PRKG1: variants seen among roughly 807,000 people sequenced by gnomAD.
The protein encoded by PRKG1 is protein kinase cGMP-dependent 1, also known as cGMP-dependent protein kinase 1.
A neutral mutation model predicts 88.1 loss-of-function variants in PRKG1; 35 were observed. That is an observed-to-expected ratio of 0.40 (90% CI 0.30 to 0.53). The LOEUF is 0.53. Ranked by LOEUF, PRKG1 falls within the 20% of genes least tolerant of loss-of-function variation. PRKG1 has a pLI of 0.59. For missense variants in PRKG1, 540 were observed against 839.8 expected (o/e 0.64, Z 4.41); for synonymous variants, 303 against 292.5 (o/e 1.04, Z -0.37).
chr10:51,852,375 T>C (rs78936380), intron 4 of PRKG1, among the ~76,000 whole-genome samples: 16,833 of 143,892 alleles, frequency 0.12, 1,006 homozygotes, highest in Middle Eastern at 0.2. Context: ...CACACACACA[T>C]AGAGAGAGAG....
chr10:52,246,116 T>A (rs1331570429), intron 9 of PRKG1, among the ~76,000 whole-genome samples: 1 of 152,164 alleles, frequency 6.6e-6, no homozygotes, highest in Non-Finnish European at 1.5e-5. Flanking sequence ...TGTTTAGTTC[T>A]TAATAATAAT....
At chr10:51,728,602 TGA>T (rs1842197973) in intron 3 of PRKG1, among the ~76,000 whole-genome samples, 2 of 151,978 alleles carry the variant, frequency 1.3e-5, no homozygotes, top group Admixed American at 1.3e-4. Context: ...AAATATTAAA[TGA>T]GAGTTATTTT....
intron 5 of PRKG1, among the ~76,000 whole-genome samples, chr10:51,983,002 T>C (rs1844052679): frequency 6.6e-6 from 1 of 152,160 alleles, no homozygotes; most frequent in Non-Finnish European, 1.5e-5. Context: ...GATGGGGCAC[T>C]GGTGGCCTCT....
chr10:52,242,025 A>C (rs954096495), intron 9 of PRKG1: 13 of 152,218 alleles, frequency 8.5e-5, no homozygotes, highest in Non-Finnish European at 1.5e-4. Flanking sequence ...GTCCTCATGG[A>C]AATTGCAATG....
Position 51,204,336 on chromosome 10 carries a change from A to C in PRKG1, c.478+51006A>C, listed in dbSNP as rs1358614022. On this transcript the variant is annotated intron_variant, in intron 2 of 17. Transcript: ENST00000373980. ...TCTTTGGTATTTTTTTTCCATTGGA[A>C]CAGCTTATTTAGATTATTTGAGTAG... Among the ~76,000 whole-genome samples the C allele has an allele frequency of 5.9e-5, 9 of 151,704 alleles. No homozygotes were observed. In the East Asian group the frequency reaches 1.7e-3, roughly 29 times the overall value.
intron 5 of PRKG1, among the ~76,000 whole-genome samples, chr10:51,984,044 G>A (rs150179799): frequency 1.1e-4 from 17 of 152,276 alleles, no homozygotes; most frequent in African/African-American, 1.4e-4. Context: ...AGTCACTTAC[G>A]TTAAGAAGTA....
intron 1 of PRKG1, among the ~76,000 whole-genome samples, chr10:51,104,918 A>G (rs528666733): frequency 6.6e-6 from 1 of 151,998 alleles, no homozygotes; most frequent in South Asian, 2.1e-4. Context: ...TTTAGTAGAG[A>G]TGGGTTTTCA....
At chr10:51,823,882 T>A (rs1231116364) in intron 4 of PRKG1, among the ~76,000 whole-genome samples, 1 of 146,850 alleles carries the variant, frequency 6.8e-6, no homozygotes, top group Non-Finnish European at 1.5e-5. Flanking sequence ...TTTTTTTTTT[T>A]TTTTTTTTTA....
chr10:51,693,358 C>G (rs886724335), intron 3 of PRKG1, among the ~76,000 whole-genome samples: 3 of 150,522 alleles, frequency 2.0e-5, no homozygotes, highest in African/African-American at 7.3e-5. Context: ...TAATAAGCAC[C>G]AGGTTTGTTA....
intron 1 of PRKG1, among the ~76,000 whole-genome samples, chr10:51,124,692 A>G (rs1845353258): frequency 6.6e-6 from 1 of 152,208 alleles, no homozygotes; most frequent in African/African-American, 2.4e-5. Flanking sequence ...TTCACCATGT[A>G]AAACAAGCAT....
intron 2 of PRKG1, among the ~76,000 whole-genome samples, chr10:51,440,812 G>C (rs1182652585): frequency 6.6e-6 from 1 of 151,916 alleles, no homozygotes; most frequent in Non-Finnish European, 1.5e-5. Flanking sequence ...AGGAAAGGTA[G>C]AGGGTGCTTA....
chr10:52,160,532 T>C (rs11817971), intron 8 of PRKG1, among the ~76,000 whole-genome samples: 8,941 of 152,022 alleles, frequency 0.059, 780 homozygotes, highest in African/African-American at 0.19. Context: ...CTGGTTACCA[T>C]GCACTCTAGA....
At chr10:51,148,605 A>G (rs1005471707) in intron 1 of PRKG1, among the ~76,000 whole-genome samples, 6 of 152,140 alleles carry the variant, frequency 3.9e-5, no homozygotes, top group Admixed American at 1.3e-4. Context: ...GAGTGGGCAC[A>G]CTTCAGGCCT....
intron 1 of PRKG1, among the ~76,000 whole-genome samples, chr10:51,084,785 A>T (rs1173155497): frequency 2.0e-5 from 3 of 152,194 alleles, no homozygotes; most frequent in Non-Finnish European, 4.4e-5. Flanking sequence ...AGGTAATTAT[A>T]GTATCATCCA....
chr10:52,280,098 A>G (rs1447203122), intron 12 of PRKG1, among the ~76,000 whole-genome samples: 1 of 152,032 alleles, frequency 6.6e-6, no homozygotes, highest in Non-Finnish European at 1.5e-5. Flanking sequence ...TTACTAATAA[A>G]CATTCCCTTC....
intron 5 of PRKG1, among the ~76,000 whole-genome samples, chr10:52,002,863 C>T (rs1844634885): frequency 6.6e-6 from 1 of 152,018 alleles, no homozygotes; most frequent in Non-Finnish European, 1.5e-5. Flanking sequence ...TTCAGTGTAC[C>T]AATTAAAATA....
chr10:52,088,471 A>G (rs1012598572), intron 7 of PRKG1, among the ~76,000 whole-genome samples: 11 of 152,128 alleles, frequency 7.2e-5, no homozygotes, highest in Non-Finnish European at 1.2e-4. Context: ...TTCCCAATAC[A>G]ACAGTACTAC....
intron 1 of PRKG1, among the ~76,000 whole-genome samples, chr10:51,005,169 T>C (rs1842928523): frequency 1.3e-5 from 2 of 152,172 alleles, no homozygotes; most frequent in Non-Finnish European, 2.9e-5. Context: ...ATCGTGTGAT[T>C]GGAGCCAAAA....
At chr10:51,954,655 G>A (rs990655340) in intron 5 of PRKG1, among the ~76,000 whole-genome samples, 1 of 152,144 alleles carries the variant, frequency 6.6e-6, no homozygotes, top group Admixed American at 6.5e-5. Context: ...TTGATTTCAG[G>A]AGGAGTCATA....
Sources: allele counts gnomAD v4.1 joint callset (sites outside exome capture counted in the v4.1 genomes callset), GRCh38; gene constraint gnomAD v4.1.1; transcripts MANE v1.5; gene names NCBI Gene and HGNC (gene_info 2026-07-23, HGNC 2026-07-21).